The following QTRT2 variants were observed in gnomAD, a reference collection of about 807,000 sequenced individuals.
QTRT2 encodes the protein queuine tRNA-ribosyltransferase accessory subunit 2, also known as queuine tRNA-ribosyltransferase domain containing 1.
QTRT2 carries 32 observed loss-of-function variants against 44.8 expected under a neutral mutation model. The ratio of observed to expected loss-of-function variants is 0.71; its 90% CI spans 0.54 to 0.96. The LOEUF is 0.96. QTRT2 is among the 40% of genes least tolerant of loss of function. QTRT2 has a pLI of 0.00. For missense variants in QTRT2, 461 were observed against 503.1 expected (o/e 0.92, Z 0.80); for synonymous variants, 182 against 187.4 (o/e 0.97, Z 0.24).
In QTRT2 at chr3:114,075,199, A is replaced by G. The variant is rs568958426; in HGVS notation, c.547-1544A>G. ...TTTCCCTTACAGTTTCACCTCTACT[A>G]TGTTGTTATCTATGTTTTAACCTTT... On this transcript the variant is annotated intron_variant, in intron 6 of 9. Transcript: ENST00000281273. Among the ~76,000 whole-genome samples the G allele has an allele frequency of 7.2e-5, 11 of 152,228 alleles. No individual in the cohort carries two copies. The South Asian group carries it at 1.7e-3, about 23-fold the overall frequency.
intron 2 of QTRT2, among the ~76,000 whole-genome samples, chr3:114,057,708 A>G (rs991129468): frequency 1.9e-4 from 29 of 152,176 alleles, no homozygotes; most frequent in African/African-American, 6.5e-4. Context: ...TTTATTCTTG[A>G]GAGAAAAGCA....
In QTRT2 at chr3:114,082,999, G is replaced by A. The variant is rs1032510933; in HGVS notation, c.1016+205G>A. ...GACTTCGTCTTGTCAGAAGACTGGA[G>A]CCAGGTAATGATTGCTTTAGAAAAG... On this transcript the variant is annotated intron_variant, in intron 9 of 9. Coordinates refer to ENST00000281273, the MANE Select transcript of QTRT2 (RefSeq NM_024638.4). The A allele has an allele frequency of 3.0e-5, 16 of 538,798 alleles. No individual in the cohort carries two copies. The Admixed American group carries it at 4.5e-4, about 15-fold the overall frequency. The allele number at this position is 538,798 out of a possible 1,614,324, so 33.4% of individuals were successfully genotyped here.
At chr3:114,072,747 G>A (rs1017728939) in intron 6 of QTRT2, among the ~76,000 whole-genome samples, 1 of 152,182 alleles carries the variant, frequency 6.6e-6, no homozygotes, top group Non-Finnish European at 1.5e-5. Flanking sequence ...TAGGGATGGC[G>A]AATGGGTTTC....
At chr3:114,082,876 A>G in intron 9 of QTRT2, 82 bp downstream of exon 9, 1 of 683,058 alleles carries the variant, frequency 1.5e-6, no homozygotes, top group Non-Finnish European at 2.6e-6. Context: ...GACAATTCTC[A>G]ATTTATGATT....
chr3:114,084,060 CTT>C (rs36088762), intron 9 of QTRT2, among the ~76,000 whole-genome samples: 12 of 134,708 alleles, frequency 8.9e-5, no homozygotes, highest in Admixed American at 1.5e-4. Context: ...TCACTTTTTT[CTT>C]TTTTTTTTTT....
intron 6 of QTRT2, 96 bp downstream of exon 6, chr3:114,070,934 G>A: frequency 1.1e-6 from 1 of 884,576 alleles, no homozygotes; most frequent in East Asian, 2.6e-5. Flanking sequence ...CTACTGCTGT[G>A]CTCCTCACTT....
intron 4 of QTRT2, among the ~76,000 whole-genome samples, chr3:114,067,341 C>T (rs2076967418): frequency 6.6e-6 from 1 of 151,872 alleles, no homozygotes; most frequent in Non-Finnish European, 1.5e-5. Context: ...TTTTTTTTCA[C>T]TGGAATCCTG....
intron 7 of QTRT2, 171 bp from the exon 8 acceptor site, chr3:114,079,735 C>G (rs1559960883): frequency 1.9e-6 from 1 of 518,190 alleles, no homozygotes; most frequent in Admixed American, 3.5e-5. Flanking sequence ...TTTCTGGCTC[C>G]AAAGCCATAT....
chr3:114,069,388 C>T (rs1212507477), intron 5 of QTRT2, among the ~76,000 whole-genome samples: 2 of 152,136 alleles, frequency 1.3e-5, no homozygotes, highest in African/African-American at 4.8e-5. Context: ...CCTTCTCTCC[C>T]TCCTTTCACC....
chr3:114,068,286 G>A (rs2076980580), intron 5 of QTRT2: 1 of 395,558 alleles, frequency 2.5e-6, no homozygotes. Flanking sequence ...TTTCATTGTT[G>A]CAAAAAAATT....
intron 6 of QTRT2, among the ~76,000 whole-genome samples, chr3:114,075,381 C>T (rs894720700): frequency 1.3e-5 from 2 of 151,724 alleles, no homozygotes; most frequent in African/African-American, 2.4e-5. Flanking sequence ...ATGAGGTTGT[C>T]ATTCATTTCT....
At chr3:114,059,154 G>A (rs1405465063) in intron 2 of QTRT2, among the ~76,000 whole-genome samples, 1 of 152,186 alleles carries the variant, frequency 6.6e-6, no homozygotes, top group East Asian at 1.9e-4. Flanking sequence ...GGACAGGTAC[G>A]GTGTTGCCAG....
rs536465697 is a variant in QTRT2, at chr3:114,068,631, A to T, written c.333+568A>T. ...GTGTGTACTGCTACTTTACAAACGC[A>T]AATACTTTTCCTGCACTCACTTTAT... On this transcript the variant is annotated intron_variant, in intron 5 of 9. Coordinates refer to ENST00000281273, the MANE Select transcript of QTRT2 (RefSeq NM_024638.4). Among the ~76,000 whole-genome samples the T allele has an allele frequency of 6.6e-5, 10 of 152,342 alleles. No homozygotes were observed. The South Asian group carries it at 2.1e-3, about 32-fold the overall frequency.
Position 114,087,513 on chromosome 3 carries a change from G to A in QTRT2, c.*1609G>A, listed in dbSNP as rs1459919686. On this transcript the variant is annotated 3_prime_UTR_variant, in exon 10 of 10. Coordinates refer to ENST00000281273, the MANE Select transcript of QTRT2 (RefSeq NM_024638.4). ...CCTGCCTCAGCCTCCCGAGTAGCTG[G>A]GACTACAGGCGCCCGCCACCATGCC... The A allele has an allele frequency of 6.6e-6, 1 of 152,170 alleles. No individual in the cohort carries two copies. The highest frequency in any genetic ancestry group is 1.5e-5 in the Non-Finnish European group (1 of 68,102). The allele number at this position is 152,170 out of a possible 1,614,324, so 9.4% of individuals were successfully genotyped here.
At chr3:114,067,603 A>G (rs13069900) in intron 4 of QTRT2, among the ~76,000 whole-genome samples, 32,428 of 152,146 alleles carry the variant, frequency 0.21, 4,154 homozygotes, top group Middle Eastern at 0.34. Context: ...TTGTGGGCAT[A>G]TCATTTTATC....
chr3:114,076,916 T>C lies in QTRT2; in HGVS notation c.720T>C (p.Thr240=). ...EARLRLLSSV[T]AELPEDKPRL... ...GACTACGCTTGCTGTCATCAGTCACTGCAGAGCTGCCGGAGGACAAGCCAA... is the reference window on the plus strand; with the variant it reads ...GACTACGCTTGCTGTCATCAGTCACCGCAGAGCTGCCGGAGGACAAGCCAA... Residue 240 remains threonine (T), a synonymous_variant, in exon 7 of 10, where the codon ACT becomes ACC. Coordinates refer to ENST00000281273, the MANE Select transcript of QTRT2 (RefSeq NM_024638.4). 6.2e-7 allele frequency: 1 copy of C among 1,614,126 alleles called. No homozygotes were observed. The highest frequency in any genetic ancestry group is 8.5e-7 in the Non-Finnish European group (1 of 1,180,010).
At chr3:114,064,433 G>C (rs1227982654) in intron 2 of QTRT2, among the ~76,000 whole-genome samples, 1 of 152,168 alleles carries the variant, frequency 6.6e-6, no homozygotes, top group Non-Finnish European at 1.5e-5. Flanking sequence ...CATTTTAAAA[G>C]TGGAACCCAG....
intron 6 of QTRT2, among the ~76,000 whole-genome samples, chr3:114,072,877 A>G (rs544335168): frequency 2.6e-3 from 395 of 152,310 alleles, no homozygotes; most frequent in Non-Finnish European, 5.0e-3. Flanking sequence ...TAAGTGGGAA[A>G]AGGATTCAGA....
At position 114,086,529 on chromosome 3, in the gene QTRT2, A is replaced by G. The variant is rs570790084; in HGVS notation, c.*625A>G. 2 of 153,812 alleles carry G rather than the reference A, an allele frequency of 1.3e-5. No homozygotes were observed. Among genetic ancestry groups the G allele is most frequent in the Admixed American group, 6.4e-5 (1 of 15,596 alleles). The allele number at this position is 153,812 out of a possible 1,614,324, so 9.5% of individuals were successfully genotyped here. A position where few individuals can be genotyped will look rare whatever the true frequency, so the allele number is the denominator to read the frequency against. Reference sequence around the variant, plus strand: ...CCAGGTCACACTCCTTCATTTGACCACATGGCCTATTTGCAACTTCTTTTT... The same window carrying G: ...CCAGGTCACACTCCTTCATTTGACCGCATGGCCTATTTGCAACTTCTTTTT... On this transcript the variant is annotated 3_prime_UTR_variant, in exon 10 of 10. Coordinates refer to ENST00000281273, the MANE Select transcript of QTRT2 (RefSeq NM_024638.4).
Sources: allele counts gnomAD v4.1 joint callset (sites outside exome capture counted in the v4.1 genomes callset), GRCh38; gene constraint gnomAD v4.1.1; transcripts MANE v1.5; gene names NCBI Gene and HGNC (gene_info 2026-07-23, HGNC 2026-07-21).